The following TIAM1 variants were observed in gnomAD, a reference collection of about 807,000 sequenced individuals.
TIAM1 encodes the protein TIAM Rac1 associated GEF 1, also known as rho guanine nucleotide exchange factor TIAM1.
Under a neutral mutation model 163.5 loss-of-function variants are expected in TIAM1, and 65 were observed. The observed-to-expected ratio is 0.40, with a 90% CI of 0.33 to 0.49. TIAM1 has a LOEUF of 0.49. Among genes scored for constraint, TIAM1 ranks in the 20% least tolerant of loss-of-function variants. The pLI is 0.77. For missense variants in TIAM1, 1,789 were observed against 2,044.7 expected (o/e 0.87, Z 2.41); for synonymous variants, 833 against 810.1 (o/e 1.03, Z -0.48).
intron 1 of TIAM1, among the ~76,000 whole-genome samples, chr21:31,522,188 A>G (rs1435641384): frequency 6.6e-6 from 1 of 151,546 alleles, no homozygotes; most frequent in Non-Finnish European, 1.5e-5. Flanking sequence ...AATAATTCTT[A>G]ATTATTCTTA....
chr21:31,293,842 C>A (rs755099879), intron 2 of TIAM1, among the ~76,000 whole-genome samples: 4 of 152,186 alleles, frequency 2.6e-5, no homozygotes, highest in Non-Finnish European at 5.9e-5. Context: ...TGGAAAACTG[C>A]ATTAAAATAT....
chr21:31,146,890 C>T lies in TIAM1; in HGVS notation c.3475+5G>A. 6.2e-7 allele frequency: 1 copy of T among 1,613,568 alleles called. No homozygotes were observed. The highest frequency in any genetic ancestry group is 1.1e-5 in the South Asian group (1 of 91,056). On this transcript the variant is annotated splice_donor_5th_base_variant and intron_variant, in intron 20 of 27. Coordinates refer to ENST00000541036, the MANE Select transcript of TIAM1 (RefSeq NM_001353694.2). ...CCCCCACCTCCACATCCTCAGAGGC[C>T]TTACCTTTCACCAGGACCTTGGGAA... is the stretch of plus-strand genomic sequence containing the variant.
rs545529346 is a variant in TIAM1, at chr21:31,234,964, A to G, written c.1585-9014T>C. ...CCAAGGGGAAATGATCTCCAAGCCA[A>G]AATTCCAAATTACTCAAATATTATG... On this transcript the variant is annotated intron_variant, in intron 6 of 27. Coordinates refer to ENST00000541036, the MANE Select transcript of TIAM1 (RefSeq NM_001353694.2). 3.3e-5 allele frequency among the ~76,000 whole-genome samples: 5 copies of G among 152,364 alleles called. No homozygotes were observed. The East Asian group carries it at 9.6e-4, about 29-fold the overall frequency.
At chr21:31,396,337 T>C (rs1302776860) in intron 2 of TIAM1, among the ~76,000 whole-genome samples, 3 of 152,058 alleles carry the variant, frequency 2.0e-5, no homozygotes, top group Non-Finnish European at 4.4e-5. Flanking sequence ...CGCGGGTCCC[T>C]CTGCCTGGAA....
chr21:31,492,991 T>A (rs887094380), intron 1 of TIAM1, among the ~76,000 whole-genome samples: 2 of 148,408 alleles, frequency 1.3e-5, no homozygotes, highest in East Asian at 1.9e-4. Context: ...ATTTTTTTTT[T>A]AAATGAAGTC....
intron 2 of TIAM1, among the ~76,000 whole-genome samples, chr21:31,384,981 T>C (rs1221196130): frequency 6.6e-6 from 1 of 152,176 alleles, no homozygotes; most frequent in Non-Finnish European, 1.5e-5. Flanking sequence ...AATCCTTTGT[T>C]GAAATGGAAT....
chr21:31,124,259 A>C, intron 27 of TIAM1: 2 of 360,744 alleles, frequency 5.5e-6, no homozygotes, highest in African/African-American at 2.1e-5. Flanking sequence ...CAAATGAGGG[A>C]GGAGCTCACC....
chr21:31,425,542 G>A (rs1040280137), intron 2 of TIAM1, among the ~76,000 whole-genome samples: 1 of 150,764 alleles, frequency 6.6e-6, no homozygotes, highest in African/African-American at 2.4e-5. Flanking sequence ...CTGCAATTAC[G>A]CATTTCTAAC....
chr21:31,355,227 G>A (rs2076296342), intron 2 of TIAM1, among the ~76,000 whole-genome samples: 1 of 150,004 alleles, frequency 6.7e-6, no homozygotes, highest in African/African-American at 2.5e-5. Flanking sequence ...CCGTCTGGTA[G>A]AAACACACAC....
intron 1 of TIAM1, among the ~76,000 whole-genome samples, chr21:31,469,496 T>G (rs1306561726): frequency 6.6e-6 from 1 of 152,130 alleles, no homozygotes; most frequent in East Asian, 1.9e-4. Context: ...AGCCTCTGAC[T>G]GACAACAGTA....
intron 16 of TIAM1, among the ~76,000 whole-genome samples, chr21:31,163,998 AAC>A (rs1174700012): frequency 6.6e-6 from 1 of 152,258 alleles, no homozygotes; most frequent in Non-Finnish European, 1.5e-5. Flanking sequence ...GGATTCAGGT[AAC>A]ACAGAGGTTT....
At chr21:31,201,714 G>A (rs1396422544) in intron 12 of TIAM1, among the ~76,000 whole-genome samples, 1 of 152,126 alleles carries the variant, frequency 6.6e-6, no homozygotes, top group Non-Finnish European at 1.5e-5. Flanking sequence ...GCTTTCTGTG[G>A]TGAAACCCTC....
At chr21:31,489,314 G>A (rs551555822) in intron 1 of TIAM1, among the ~76,000 whole-genome samples, 12 of 130,816 alleles carry the variant, frequency 9.2e-5, no homozygotes, top group Admixed American at 3.3e-4. Context: ...AGGCTGCAAC[G>A]AGCTATGATT....
intron 2 of TIAM1, among the ~76,000 whole-genome samples, chr21:31,385,802 A>T (rs559627052): frequency 5.9e-4 from 87 of 147,568 alleles, no homozygotes; most frequent in African/African-American, 2.1e-3. Context: ...AATTTTAATA[A>T]TATTTAATTT....
chr21:31,383,288 A>C (rs2076810108), intron 2 of TIAM1, among the ~76,000 whole-genome samples: 1 of 152,210 alleles, frequency 6.6e-6, no homozygotes, highest in Admixed American at 6.5e-5. Context: ...AGAATACTTA[A>C]AAGAGTAAAG....
intron 15 of TIAM1, among the ~76,000 whole-genome samples, chr21:31,178,897 A>G (rs2084887838): frequency 6.6e-6 from 1 of 151,518 alleles, no homozygotes; most frequent in African/African-American, 2.4e-5. Flanking sequence ...GATTACAGGC[A>G]TGTGCCACCA....
chr21:31,213,550 G>T, intron 9 of TIAM1, 78 bp from the exon 10 acceptor site: 1 of 1,250,972 alleles, frequency 8.0e-7, no homozygotes, highest in Non-Finnish European at 1.2e-6. Context: ...GGAAGGAAAT[G>T]GGCATGGCTA....
intron 2 of TIAM1, among the ~76,000 whole-genome samples, chr21:31,429,244 C>T (rs771795429): frequency 5.3e-5 from 8 of 152,128 alleles, no homozygotes; most frequent in African/African-American, 9.7e-5. Flanking sequence ...TCAAGTGATC[C>T]GCCTGCCTTG....
rs1491087900 is a variant in TIAM1 at position 31,210,644 on chromosome 21, A to AAG, written c.2218-430_2218-429insCT. 7.3e-4 allele frequency among the ~76,000 whole-genome samples: 19 copies of AAG among 25,872 alleles called. 1 individual carries two copies. The highest frequency in any genetic ancestry group is 3.6e-3 in the African/African-American group (18 of 5,002). The allele number at this position is 25,872 out of a possible 152,430, so 17.0% of individuals were successfully genotyped here. A position where few individuals can be genotyped will look rare whatever the true frequency, so the allele number is the denominator to read the frequency against. ...AAGAAAGAAAGAAAGAAAGAAAGAA[A>AAG]GAAAGAAAGAAAGAAAGAAAGAAAA... is the stretch of plus-strand genomic sequence containing the variant. On this transcript the variant is annotated intron_variant, in intron 10 of 27. Transcript: ENST00000541036.
Sources: allele counts gnomAD v4.1 joint callset (sites outside exome capture counted in the v4.1 genomes callset), GRCh38; gene constraint gnomAD v4.1.1; transcripts MANE v1.5; gene names NCBI Gene and HGNC (gene_info 2026-07-23, HGNC 2026-07-21).